Variants in NKAIN3 observed in about 807,000 individuals in gnomAD.
The protein encoded by NKAIN3 is sodium/potassium-transporting ATPase subunit beta-1-interacting protein 3.
NKAIN3 carries 25 observed loss-of-function variants against 30.2 expected under a neutral mutation model. The observed-to-expected ratio is 0.83, with a 90% CI of 0.60 to 1.16. The LOEUF (loss-of-function observed/expected upper bound fraction) is 1.16, where lower values mean the gene tolerates loss of function less well. Among genes scored for constraint, NKAIN3 ranks in the 50% most tolerant of loss-of-function variants. The pLI is 0.00. For missense variants in NKAIN3, 225 were observed against 254.1 expected (o/e 0.89, Z 0.78); for synonymous variants, 91 against 89.6 (o/e 1.02, Z -0.09).
intron 4 of NKAIN3, among the ~76,000 whole-genome samples, chr8:62,877,301 T>A (rs1820829013): frequency 6.6e-6 from 1 of 152,210 alleles, no homozygotes; most frequent in Non-Finnish European, 1.5e-5. Context: ...CAATAAGGTG[T>A]TCTCAGCAGA....
intron 4 of NKAIN3, among the ~76,000 whole-genome samples, chr8:62,910,528 A>G (rs1821898640): frequency 6.6e-6 from 1 of 152,200 alleles, no homozygotes; most frequent in Non-Finnish European, 1.5e-5. Context: ...CATTAAAATC[A>G]CATAAAAATT....
intron 1 of NKAIN3, among the ~76,000 whole-genome samples, chr8:62,252,884 T>G (rs186935042): frequency 1.3e-5 from 2 of 152,340 alleles, no homozygotes; most frequent in African/African-American, 4.8e-5. Context: ...GTACCACATT[T>G]AAATAAACCT....
In NKAIN3 at chr8:62,965,665, T is replaced by G. The variant is rs1038000556; in HGVS notation, c.*258T>G. Reference sequence around the variant, plus strand: ...AAAACAGAATTTGGTTTTAAATTTTTAACAATATTTAATGTGAGGCATGCA... The same window carrying G: ...AAAACAGAATTTGGTTTTAAATTTTGAACAATATTTAATGTGAGGCATGCA... On this transcript the variant is annotated 3_prime_UTR_variant, in exon 7 of 7. Coordinates refer to ENST00000623646, the MANE Select transcript of NKAIN3 (RefSeq NM_001304533.3). The G allele has an allele frequency of 1.8e-5, 18 of 979,880 alleles. No individual in the cohort carries two copies. The highest frequency in any genetic ancestry group is 2.2e-5 in the Non-Finnish European group (18 of 825,114). 60.7% of individuals were successfully genotyped at this position (979,880 alleles called of 1,614,324 possible). A position where few individuals can be genotyped will look rare whatever the true frequency, so the allele number is the denominator to read the frequency against.
chr8:62,913,779 A>T (rs1042922333), intron 4 of NKAIN3, among the ~76,000 whole-genome samples: 2 of 152,216 alleles, frequency 1.3e-5, no homozygotes, highest in African/African-American at 2.4e-5. Context: ...CAAAATAAAA[A>T]CAACAATGAT....
At chr8:62,915,851 T>C (rs1000546513) in intron 4 of NKAIN3, among the ~76,000 whole-genome samples, 22 of 152,148 alleles carry the variant, frequency 1.4e-4, no homozygotes, top group African/African-American at 5.1e-4. Context: ...TAAGACCTCA[T>C]ATAAATTAAT....
chr8:62,326,784 C>T (rs967746349), intron 1 of NKAIN3, among the ~76,000 whole-genome samples: 3 of 151,704 alleles, frequency 2.0e-5, no homozygotes, highest in Non-Finnish European at 4.4e-5. Context: ...TCTGTTTGAG[C>T]CACTACTTTC....
intron 4 of NKAIN3, among the ~76,000 whole-genome samples, chr8:62,850,965 T>G (rs190512280): frequency 1.3e-5 from 2 of 152,014 alleles, no homozygotes; most frequent in South Asian, 2.1e-4. Context: ...ATATGAACTT[T>G]AAAGTAGTTT....
chr8:62,715,481 C>T (rs1304839332), intron 3 of NKAIN3, among the ~76,000 whole-genome samples: 3 of 152,108 alleles, frequency 2.0e-5, no homozygotes, highest in South Asian at 2.1e-4. Flanking sequence ...AGTGTTGGTG[C>T]AAGACTGGAA....
intron 1 of NKAIN3, among the ~76,000 whole-genome samples, chr8:62,448,126 A>G (rs547446958): frequency 2.0e-5 from 3 of 151,826 alleles, no homozygotes; most frequent in Non-Finnish European, 4.4e-5. Flanking sequence ...ATTATAGTTC[A>G]CTCTCTTTGC....
At position 62,639,048 on chromosome 8, in the gene NKAIN3, G is replaced by A. The variant is rs191129287; in HGVS notation, c.273+49254G>A. 2.0e-4 allele frequency among the ~76,000 whole-genome samples: 30 copies of A among 152,102 alleles called. No homozygotes were observed. The East Asian group carries it at 5.8e-3, about 29-fold the overall frequency. ...TCACTCTTCTTACATCTCAAAATTA[G>A]AAAAAAAGAACTCAAAACCTCACAC... On this transcript the variant is annotated intron_variant, in intron 3 of 6. Coordinates refer to ENST00000623646, the MANE Select transcript of NKAIN3 (RefSeq NM_001304533.3).
At chr8:62,329,106 A>G (rs182079815) in intron 1 of NKAIN3, among the ~76,000 whole-genome samples, 36 of 152,002 alleles carry the variant, frequency 2.4e-4, no homozygotes, top group African/African-American at 8.0e-4. Flanking sequence ...GCTGAGAAGT[A>G]TATCTTCTCA....
intron 1 of NKAIN3, among the ~76,000 whole-genome samples, chr8:62,452,283 C>T (rs1217878656): frequency 6.6e-6 from 1 of 152,054 alleles, no homozygotes; most frequent in Non-Finnish European, 1.5e-5. Context: ...TGAGACCAGC[C>T]TGGCCAACAT....
At chr8:62,552,804 A>G (rs868285383) in intron 1 of NKAIN3, among the ~76,000 whole-genome samples, 50 of 152,218 alleles carry the variant, frequency 3.3e-4, no homozygotes, top group African/African-American at 1.2e-3. Context: ...CTAATGTGCA[A>G]CAACACAATC....
chr8:62,830,257 T>A (rs1819154593), intron 4 of NKAIN3, among the ~76,000 whole-genome samples: 1 of 152,188 alleles, frequency 6.6e-6, no homozygotes, highest in Non-Finnish European at 1.5e-5. Flanking sequence ...TATAGACTTT[T>A]TGTAGCCACT....
chr8:62,845,575 A>G (rs1819666681), intron 4 of NKAIN3, among the ~76,000 whole-genome samples: 1 of 152,048 alleles, frequency 6.6e-6, no homozygotes, highest in African/African-American at 2.4e-5. Context: ...GATGTAGCTT[A>G]CACATTTATT....
intron 4 of NKAIN3, among the ~76,000 whole-genome samples, chr8:62,766,868 G>C (rs979954233): frequency 6.6e-6 from 1 of 152,076 alleles, no homozygotes; most frequent in African/African-American, 2.4e-5. Context: ...CCTGGTTTGG[G>C]CTTGAGCAGG....
chr8:62,564,992 C>T (rs1330833380), intron 1 of NKAIN3, among the ~76,000 whole-genome samples: 5 of 152,044 alleles, frequency 3.3e-5, no homozygotes, highest in South Asian at 2.1e-4. Flanking sequence ...GATTTATATG[C>T]ATAGCTACAC....
chr8:62,554,128 G>A (rs1039660100), intron 1 of NKAIN3, among the ~76,000 whole-genome samples: 3 of 152,152 alleles, frequency 2.0e-5, no homozygotes, highest in Admixed American at 6.5e-5. Flanking sequence ...ATGTAATAGA[G>A]GCAATCTCTT....
chr8:62,450,243 A>T (rs1805601659), intron 1 of NKAIN3, among the ~76,000 whole-genome samples: 1 of 152,162 alleles, frequency 6.6e-6, no homozygotes, highest in East Asian at 1.9e-4. Context: ...TAACATTTAC[A>T]TTGTTGAAAA....
Sources: gnomAD v4.1 joint callset for allele counts (sites outside exome capture counted in the v4.1 genomes callset) on GRCh38, gnomAD v4.1.1 for gene constraint, MANE v1.5 for transcripts, NCBI Gene and HGNC (gene_info 2026-07-23, HGNC 2026-07-21) for gene names.